Variants in TEX13C observed in about 807,000 individuals in gnomAD.
TEX13C encodes the protein TEX13 family member C.
For missense variants in TEX13C, 480 were observed against 298.7 expected (o/e 1.61, Z -4.47); for synonymous variants, 219 against 116.6 (o/e 1.88, Z -5.65).
exon 1 of TEX13C, chrX:125,320,836 A>C: frequency 1.9e-6 from 1 of 515,035 alleles, no homozygotes; most frequent in Non-Finnish European, 3.5e-6. Flanking sequence ...TGCCTTCACC[A>C]ATGGGACTGC....
chrX:125,321,936 A>G (rs1251413087), exon 1 of TEX13C: 2 of 506,110 alleles, frequency 4.0e-6, no homozygotes, highest in African/African-American at 4.8e-5. Flanking sequence ...GGGGACAGCA[A>G]CAGCCATAGC....
At chrX:125,320,350 A>T (rs1348533314) in exon 1 of TEX13C, 2 of 515,785 alleles carry the variant, frequency 3.9e-6, no homozygotes, top group Non-Finnish European at 7.0e-6. Flanking sequence ...TGAGTGTGCA[A>T]GTGGCTGCGA....
chrX:125,322,728 C>T, exon 1 of TEX13C: 1 of 514,384 alleles, frequency 1.9e-6, no homozygotes, highest in Non-Finnish European at 3.5e-6. Context: ...GAGGTGGTCT[C>T]CTTGGGGGAC....
chrX:125,323,052 G>A, exon 1 of TEX13C: 1 of 514,795 alleles, frequency 1.9e-6, no homozygotes, highest in South Asian at 2.5e-5. Flanking sequence ...TGCTCTAAAT[G>A]CAAGAGAGTC....
At chrX:125,324,758 T>A (rs746601919) in exon 1 of TEX13C, 1 of 112,196 alleles carries the variant, frequency 8.9e-6, no homozygotes, top group Non-Finnish European at 1.9e-5. Context: ...AGACCTGGGG[T>A]GTCTTGAAGA....
chrX:125,324,580 G>A (rs954203005), exon 1 of TEX13C: 6 of 111,450 alleles, frequency 5.4e-5, no homozygotes, highest in Non-Finnish European at 1.1e-4. Flanking sequence ...AAGGTCTTGA[G>A]TAACCAAACT....
chrX:125,322,502 C>G (rs1017618978), exon 1 of TEX13C: 1 of 514,263 alleles, frequency 1.9e-6, no homozygotes, highest in Non-Finnish European at 3.5e-6. Flanking sequence ...GAGACACAGC[C>G]TGAAGAAAGT....
chrX:125,322,035 A>G (rs1270331677), exon 1 of TEX13C: 2 of 450,585 alleles, frequency 4.4e-6, no homozygotes, highest in East Asian at 8.1e-5. Flanking sequence ...GTGATGCCCA[A>G]GGAGATGGTC....
At chrX:125,320,520 A>G (rs1326749395) in exon 1 of TEX13C, 1 of 515,036 alleles carries the variant, frequency 1.9e-6, no homozygotes, top group Non-Finnish European at 3.5e-6. Flanking sequence ...GCCCTGCAGC[A>G]GGTGCTGAAT....
At chrX:125,323,223 G>C in exon 1 of TEX13C, 1 of 423,740 alleles carries the variant, frequency 2.4e-6, no homozygotes, top group Non-Finnish European at 4.1e-6. Context: ...AACCAAAATT[G>C]TAGAGAAAAT....
upstream of TEX13C, chrX:125,320,112 C>G: frequency 2.1e-6 from 1 of 468,215 alleles, no homozygotes; most frequent in Non-Finnish European, 3.8e-6. Flanking sequence ...GACTAGGCCG[C>G]AGCCGCCATG....
Position 125,321,281 on chromosome X carries a change from G to GGCACAGCTCCCCTGATGTTT in TEX13C, c.1162_1163insGCACAGCTCCCCTGATGTTT (p.Glu388GlyfsTer12), listed in dbSNP as rs2018834469. The GGCACAGCTCCCCTGATGTTT allele has an allele frequency of 2.0e-6, 1 of 512,268 alleles. No homozygotes were observed. The highest frequency in any genetic ancestry group is 3.5e-6 in the Non-Finnish European group (1 of 286,249). The allele number at this position is 512,268 out of a possible 1,213,427, so 42.2% of individuals were successfully genotyped here. ...GAAGAAAGATCCAGTTGTGCCCAAG[G>GGCACAGCTCCCCTGATGTTT]AGATTGTCCCCATAGGGGACAGCAA... On this transcript the variant is annotated frameshift_variant, in exon 1 of 1. Coordinates refer to ENST00000632600, the Ensembl canonical transcript of TEX13C. LOFTEE classifies it low-confidence loss of function (END_TRUNC).
rs771851098 is a variant in TEX13C at position 125,320,891 on chromosome X, G to T, written c.772G>T (p.Ala258Ser). 72 of 513,864 alleles carry T rather than the reference G, an allele frequency of 1.4e-4. 1 individual carries two copies. The South Asian group carries it at 1.7e-3, about 12-fold the overall frequency. The allele number at this position is 513,864 out of a possible 1,213,427, so 42.3% of individuals were successfully genotyped here. The stretch of plus-strand genomic sequence containing the variant: ...ACCCCCAGTAGTAATGGAATCAGCA[G>T]CAGCAATTGCACCACAGATGCCTCC... The change falls in exon 1 of 1, where the codon GCA becomes TCA. Residue 258 changes from alanine to serine, a missense_variant. Physicochemically the swap from Ala to Ser is moderately conservative, Grantham distance 99. Coordinates refer to ENST00000632600, the Ensembl canonical transcript of TEX13C.
chrX:125,320,195 C>G (rs2018821189), exon 1 of TEX13C: 1 of 514,345 alleles, frequency 1.9e-6, no homozygotes, highest in African/African-American at 2.3e-5. Context: ...CAATGAAGTC[C>G]TCAGGAACGG....
At chrX:125,321,172 G>A in exon 1 of TEX13C, 1 of 515,530 alleles carries the variant, frequency 1.9e-6, no homozygotes, top group Non-Finnish European at 3.5e-6. Context: ...CTCCCCCAGA[G>A]TTTAGCAGGA....
rs1192441877 is a variant in TEX13C, at chrX:125,322,959, A to G, written c.2840A>G (p.Gln947Arg). Reference sequence around the variant, plus strand: ...AGGAAAAAGGCCTCAGAATCCCAGCAACAGAAGCCTGCCTCATGCTCCAGC... The same window carrying G: ...AGGAAAAAGGCCTCAGAATCCCAGCGACAGAAGCCTGCCTCATGCTCCAGC... The change falls in exon 1 of 1, where the codon CAA becomes CGA. Residue 947 changes from glutamine (Q) to arginine (R), a missense_variant. Physicochemically the swap from Gln to Arg is conservative, Grantham distance 43. Coordinates refer to ENST00000632600, the Ensembl canonical transcript of TEX13C. The G allele has an allele frequency of 1.6e-5, 8 of 514,051 alleles. No individual in the cohort carries two copies. The Admixed American group carries it at 2.1e-4, about 14-fold the overall frequency. 42.4% of individuals were successfully genotyped at this position (514,051 alleles called of 1,213,427 possible). A position where few individuals can be genotyped will look rare whatever the true frequency, so the allele number is the denominator to read the frequency against.
chrX:125,320,452 G>A (rs1382488136), exon 1 of TEX13C: 1 of 515,940 alleles, frequency 1.9e-6, no homozygotes, highest in Non-Finnish European at 3.5e-6. Flanking sequence ...CTTCCCAGCT[G>A]CAGCAGCTGC....
At chrX:125,321,857 C>A (rs762234438) in exon 1 of TEX13C, 2 of 511,981 alleles carry the variant, frequency 3.9e-6, no homozygotes, top group South Asian at 4.9e-5. Flanking sequence ...GAACATGATC[C>A]CCCTGGAGGA....
chrX:125,322,591 G>A, exon 1 of TEX13C: 2 of 513,841 alleles, frequency 3.9e-6, no homozygotes, highest in Non-Finnish European at 7.0e-6. Context: ...TGATGCCCGA[G>A]GAGATGGTCC....
Sources: gnomAD v4.1 joint callset for allele counts on GRCh38, gnomAD v4.1.1 for gene constraint, MANE v1.5 for transcripts, NCBI Gene and HGNC (gene_info 2026-07-23, HGNC 2026-07-21) for gene names.